The following DMD variants were observed in gnomAD, a reference collection of about 807,000 sequenced individuals.
The protein encoded by DMD is dystrophin, also known as mutant dystrophin.
In DMD, 63 loss-of-function variants were observed where a neutral mutation model predicts 330.1. That is an observed-to-expected ratio of 0.19 (90% CI 0.16 to 0.24). The LOEUF is 0.24. Ranked by LOEUF, DMD falls within the 10% of genes least tolerant of loss-of-function variation. DMD has a pLI of 1.00. For synonymous variants in DMD, 1,223 were observed against 959.8 expected, an observed-to-expected ratio of 1.27 and a Z score of -5.07; for missense variants, 3,344 against 2,684.1, an observed-to-expected ratio of 1.25 and a Z score of -5.43.
intron 1 of DMD, among the ~76,000 whole-genome samples, chrX:33,056,444 A>G (rs937199482): frequency 1.9e-5 from 2 of 107,377 alleles, no homozygotes; most frequent in South Asian, 4.1e-4. Context: ...CACTGCAACC[A>G]CTGTCTCCAG....
intron 44 of DMD, among the ~76,000 whole-genome samples, chrX:32,181,806 A>G (rs1340150355): frequency 9.0e-6 from 1 of 111,561 alleles, no homozygotes; most frequent in African/African-American, 3.3e-5. Flanking sequence ...TTCCAGACCA[A>G]TTTCAAAAGA....
At position 31,875,358 on chromosome X, in the gene DMD, G is replaced by A. The variant is rs1338600297; in HGVS notation, c.6928C>T (p.Pro2310Ser). The A allele has an allele frequency of 2.5e-6, 3 of 1,189,032 alleles. No individual in the cohort carries two copies. Among genetic ancestry groups the A allele is most frequent in the African/African-American group, 3.6e-5 (2 of 56,287 alleles). The part of the protein sequence containing the change: ...LQWIKVSRAL[P>S]EKQGEIEAQI... ...GCTTCAATTTCTCCTTGTTTCTCAG[G>A]TAAAGCTCTGGAAACCTGAAAGGAA... The change falls in exon 48 of 79, where the codon CCT becomes TCT. Residue 2310 changes from proline (P) to serine (S), a missense_variant. By Grantham distance (74) the Pro-to-Ser change is moderately conservative. Transcript: ENST00000357033.
chrX:31,712,005 A>G (rs1336411382), intron 52 of DMD, among the ~76,000 whole-genome samples: 1 of 111,023 alleles, frequency 9.0e-6, no homozygotes, highest in Non-Finnish European at 1.9e-5. Context: ...GTTAATCCAC[A>G]TGGTCTTGAA....
At chrX:31,270,059 C>A (rs887032208) in intron 62 of DMD, among the ~76,000 whole-genome samples, 1 of 111,772 alleles carries the variant, frequency 8.9e-6, no homozygotes, top group Non-Finnish European at 1.9e-5. Context: ...TCTGGCCTGG[C>A]AGCTGCTGAG....
intron 55 of DMD, among the ~76,000 whole-genome samples, chrX:31,548,057 A>C (rs1282364549): frequency 8.9e-6 from 1 of 112,071 alleles, no homozygotes; most frequent in Non-Finnish European, 1.9e-5. Flanking sequence ...GGGATTTAAG[A>C]AGTTCAGGGA....
At chrX:32,810,164 G>T (rs187174369) in intron 6 of DMD, among the ~76,000 whole-genome samples, 2 of 110,428 alleles carry the variant, frequency 1.8e-5, no homozygotes, top group African/African-American at 6.6e-5. Flanking sequence ...TACATACAAC[G>T]TTTATTTGTC....
intron 59 of DMD, among the ~76,000 whole-genome samples, chrX:31,461,754 T>C (rs1569544643): frequency 9.0e-6 from 1 of 111,662 alleles, no homozygotes; most frequent in Non-Finnish European, 1.9e-5. Context: ...CAAAACAGCA[T>C]TAAAAAAAGC....
At chrX:31,146,067 T>C (rs1420580948) in intron 76 of DMD, among the ~76,000 whole-genome samples, 1 of 112,724 alleles carries the variant, frequency 8.9e-6, no homozygotes, top group Non-Finnish European at 1.9e-5. Flanking sequence ...AATTGCCTCC[T>C]AACTGGTCTT....
chrX:33,033,554 C>CAAAAAAAAAAAAAAAAAAAAAAAAAA (rs775790760), intron 1 of DMD, among the ~76,000 whole-genome samples: 5 of 74,515 alleles, frequency 6.7e-5, no homozygotes, highest in African/African-American at 2.2e-4. Flanking sequence ...ACTAAAAATA[C>CAAAAAAAAAAAAAAAAAAAAAAAAAA]AAAAAAAAAA....
intron 15 of DMD, among the ~76,000 whole-genome samples, chrX:32,566,946 T>C (rs1419302117): frequency 8.9e-6 from 1 of 112,179 alleles, no homozygotes; most frequent in African/African-American, 3.2e-5. Context: ...GATACCTGTC[T>C]TTCCGAAACA....
At chrX:33,305,547 C>T (rs2053747968) in intron 1 of DMD, among the ~76,000 whole-genome samples, 1 of 104,266 alleles carries the variant, frequency 9.6e-6, no homozygotes, top group South Asian at 4.7e-4. Context: ...TGCACATGTA[C>T]CCTAAAACTT....
chrX:31,867,208 T>G (rs1603504349), intron 48 of DMD, among the ~76,000 whole-genome samples: 1 of 65,587 alleles, frequency 1.5e-5, no homozygotes, highest in African/African-American at 4.9e-5. Flanking sequence ...GCAAAATTTG[T>G]TTTTTTTTTT....
At chrX:33,017,854 T>TC (rs2093833668) in intron 2 of DMD, among the ~76,000 whole-genome samples, 1 of 111,685 alleles carries the variant, frequency 9.0e-6, no homozygotes, top group Non-Finnish European at 1.9e-5. Context: ...AGATTCCACT[T>TC]CAACTAATCT....
At chrX:32,408,847 C>A (rs778797277) in intron 30 of DMD, among the ~76,000 whole-genome samples, 9 of 108,136 alleles carry the variant, frequency 8.3e-5, no homozygotes, top group South Asian at 8.0e-4. Context: ...CTATTCTATT[C>A]CTTTCTTTTC....
At chrX:32,534,396 G>A (rs976789412) in intron 17 of DMD, among the ~76,000 whole-genome samples, 8 of 111,005 alleles carry the variant, frequency 7.2e-5, no homozygotes, top group Non-Finnish European at 1.3e-4. Flanking sequence ...TCTCCTGAGA[G>A]AACTCACTTA....
At chrX:32,880,849 C>G (rs775799991) in intron 2 of DMD, among the ~76,000 whole-genome samples, 104 of 112,570 alleles carry the variant, frequency 9.2e-4, no homozygotes, top group African/African-American at 3.4e-3. Flanking sequence ...GAGGCTGAGG[C>G]AGGAGAATCG....
At chrX:32,809,919 C>CAAAAAAAAA (rs55898363) in intron 6 of DMD, among the ~76,000 whole-genome samples, 16 of 28,640 alleles carry the variant, frequency 5.6e-4, no homozygotes, top group African/African-American at 1.2e-3. Context: ...TTGTTTCTAC[C>CAAAAAAAAA]AAAAAAAAAA....
intron 44 of DMD, among the ~76,000 whole-genome samples, chrX:32,200,602 T>TCA (rs199826036): frequency 8.9e-6 from 1 of 112,002 alleles, no homozygotes; most frequent in Non-Finnish European, 1.9e-5. Flanking sequence ...ACATATGTAA[T>TCA]CACACACATA....
chrX:33,010,060 G>C lies in DMD; in HGVS notation c.93+10079C>G, dbSNP rs2093648042. ...TATATACACATGTGTATATATACGT[G>C]TATATATACACAAATGTGCACATGT... On this transcript the variant is annotated intron_variant, in intron 2 of 78. Coordinates refer to ENST00000357033, the MANE Select transcript of DMD (RefSeq NM_004006.3). 3.3e-5 allele frequency among the ~76,000 whole-genome samples: 2 copies of C among 61,129 alleles called. 1 individual carries two copies. The highest frequency in any genetic ancestry group is 1.3e-3 in the East Asian group (2 of 1,585). The allele number at this position is 61,129 out of a possible 115,157, so 53.1% of individuals were successfully genotyped here.
Sources: allele counts gnomAD v4.1 joint callset (sites outside exome capture counted in the v4.1 genomes callset), GRCh38; gene constraint gnomAD v4.1.1; transcripts MANE v1.5; gene names NCBI Gene and HGNC (gene_info 2026-07-23, HGNC 2026-07-21).